CENPK: variants seen among roughly 807,000 people sequenced by gnomAD.
CENPK encodes SoxLZ/Sox6-binding protein Solt.
Under a neutral mutation model 40.9 loss-of-function variants are expected in CENPK, and 46 were observed. The ratio of observed to expected loss-of-function variants is 1.13; its 90% CI spans 0.89 to 1.44. The LOEUF is 1.44. Ranked by LOEUF, CENPK falls within the 40% of genes most tolerant of loss-of-function variation. The probability of loss-of-function intolerance (pLI) is 0.00; values close to 1 mark genes in which losing one functional copy is unlikely to be tolerated. For synonymous variants in CENPK, 107 were observed against 104.4 expected, an observed-to-expected ratio of 1.02 and a Z score of -0.15; for missense variants, 288 against 303.5, an observed-to-expected ratio of 0.95 and a Z score of 0.38.
At chr5:65,552,458 T>G (rs1422371872) in intron 4 of CENPK, 35 bp downstream of exon 4, 6 of 1,369,514 alleles carry the variant, frequency 4.4e-6, no homozygotes, top group Non-Finnish European at 4.0e-6. Context: ...TAATTCCACT[T>G]ACCTTGTATT....
At chr5:65,529,250 T>C in intron 6 of CENPK, 51 bp from the exon 7 acceptor site, 3 of 1,218,182 alleles carry the variant, frequency 2.5e-6, no homozygotes, top group Non-Finnish European at 3.6e-6. Context: ...CCCAGTTTTA[T>C]TTCTGAACGA....
At position 65,563,090 on chromosome 5, in the gene CENPK, G is replaced by T. The variant is rs190919509; in HGVS notation, c.-142+8C>A. The T allele has an allele frequency of 1.2e-4, 64 of 531,952 alleles. No homozygotes were observed. In the East Asian group the frequency reaches 1.6e-3, roughly 14 times the overall value. The allele number at this position is 531,952 out of a possible 1,614,324, so 33.0% of individuals were successfully genotyped here. ...CCGTTATATCAACCTCCCCGGCCCA[G>T]GTCTTACCATCACAGCGTCACAAAC... On this transcript the variant is annotated splice_region_variant and intron_variant, in intron 1 of 10. Coordinates refer to ENST00000396679, the MANE Select transcript of CENPK (RefSeq NM_022145.5).
intron 3 of CENPK, among the ~76,000 whole-genome samples, chr5:65,554,142 A>AT (rs34320009): frequency 0.095 from 13,709 of 143,784 alleles, 690 homozygotes; most frequent in African/African-American, 0.14. Context: ...ACCAGTAATT[A>AT]TTTTTTTTTT....
At chr5:65,514,534 G>A (rs1294778497), downstream of CENPK, among the ~76,000 whole-genome samples, 2 of 152,014 alleles carry the variant, frequency 1.3e-5, no homozygotes, top group Non-Finnish European at 2.9e-5. Context: ...CAAAGTGCTG[G>A]GATTACAGGC....
chr5:65,530,233 T>C (rs774764774), intron 6 of CENPK, among the ~76,000 whole-genome samples: 7 of 152,056 alleles, frequency 4.6e-5, no homozygotes, highest in African/African-American at 7.2e-5. Flanking sequence ...GAAGGAGGGA[T>C]AGATGTAAAG....
chr5:65,527,283 T>C lies in CENPK; in HGVS notation c.597+1169A>G, dbSNP rs146876178. ...AAGGCACAAAAAAGTGAGAGGTCAA[T>C]TGGTGACATAGCTGAATGGATTCAT... On this transcript the variant is annotated intron_variant, in intron 9 of 10. Transcript: ENST00000396679. Among the ~76,000 whole-genome samples the C allele has an allele frequency of 3.3e-5, 5 of 151,586 alleles. No homozygotes were observed. In the East Asian group the frequency reaches 7.8e-4, roughly 24 times the overall value.
Position 65,518,579 on chromosome 5 carries a change from C to A in CENPK, c.706G>T (p.Asp236Tyr), listed in dbSNP as rs1257572242. Residue 236 changes from aspartate (D) to tyrosine (Y), a missense_variant, in exon 11 of 11, where the codon GAT becomes TAT. By Grantham distance (160) the Asp-to-Tyr change is radical. Coordinates refer to ENST00000396679, the MANE Select transcript of CENPK (RefSeq NM_022145.5). ...TCAACATAAGGTGGCCAAAAGGAAT[C>A]ACTAATTTTGACATATGGATCATGT... is the stretch of plus-strand genomic sequence containing the variant. ...VPHDPYVKIS[D>Y]SFWPPYVELL... is the part of the protein sequence containing the mutation. The A allele has an allele frequency of 6.2e-7, 1 of 1,607,926 alleles. No individual in the cohort carries two copies. The highest frequency in any genetic ancestry group is 1.3e-5 in the African/African-American group (1 of 74,890).
At chr5:65,515,206 T>A (rs952925412), downstream of CENPK, among the ~76,000 whole-genome samples, 30 of 135,660 alleles carry the variant, frequency 2.2e-4, 1 homozygote, top group Middle Eastern at 7.9e-3. Context: ...TCAAAAAAAT[T>A]TTTTTTTTTT....
At position 65,528,481 on chromosome 5, in the gene CENPK, G is replaced by A. The variant is rs774114264; in HGVS notation, c.568C>T (p.Leu190=). 3 of 1,604,408 alleles carry A rather than the reference G, an allele frequency of 1.9e-6. No individual in the cohort carries two copies. In the South Asian group the frequency reaches 3.4e-5, roughly 18 times the overall value. Residue 190 remains leucine, a synonymous_variant, in exon 9 of 11, where the codon CTG becomes TTG. Coordinates refer to ENST00000396679, the MANE Select transcript of CENPK (RefSeq NM_022145.5). The stretch of plus-strand genomic sequence containing the variant: ...TTCTTTTTAACACTTCTATCAGGCA[G>A]AGGAAAATGGTCTTCTAGAAACTCG... ...LGEFLEDHFP[L]PDRSVKKKKK...
At chr5:65,529,464 T>C (rs943149067) in intron 6 of CENPK, 1 of 318,062 alleles carries the variant, frequency 3.1e-6, no homozygotes, top group Non-Finnish European at 5.7e-6. Context: ...GTGTTTTCAG[T>C]AATAAGAGAG....
intron 7 of CENPK, 31 bp downstream of exon 7, chr5:65,529,086 A>G: frequency 6.5e-7 from 1 of 1,541,494 alleles, no homozygotes; most frequent in Non-Finnish European, 8.9e-7. Flanking sequence ...ATATATATGA[A>G]TGATTAATAG....
chr5:65,530,734 C>T (rs1409463490), intron 6 of CENPK, among the ~76,000 whole-genome samples: 1 of 150,944 alleles, frequency 6.6e-6, no homozygotes, highest in Admixed American at 6.6e-5. Flanking sequence ...CATGGTGAAA[C>T]CCTGTCTCTA....
chr5:65,519,870 T>C (rs542276227), intron 10 of CENPK, among the ~76,000 whole-genome samples: 2 of 152,340 alleles, frequency 1.3e-5, no homozygotes, highest in African/African-American at 4.8e-5. Flanking sequence ...CTTATTTTAG[T>C]ACAAATCTTT....
the CENPK span, among the ~76,000 whole-genome samples, chr5:65,498,516 G>C: frequency 1.1e-4 from 17 of 151,842 alleles, no homozygotes; most frequent in Admixed American, 1.0e-3. Context: ...CATATATTTT[G>C]TTTCAATCAT....
rs539746387 is a variant in CENPK, at chr5:65,536,706, TTTA to T, written c.288+6093_288+6095del. On this transcript the variant is annotated intron_variant, in intron 6 of 10. Coordinates refer to ENST00000396679, the MANE Select transcript of CENPK (RefSeq NM_022145.5). The stretch of plus-strand genomic sequence containing the variant: ...GAGAAAATGTCCATGTATTATTTAT[TTTA>T]TTATTTCTTGCCTTCGATTTTTTAA... 1.1e-3 allele frequency among the ~76,000 whole-genome samples: 159 copies of T among 141,776 alleles called. 1 individual carries two copies. Among genetic ancestry groups the T allele is most frequent in the Non-Finnish European group, 2.1e-3 (129 of 60,200 alleles). The allele number at this position is 141,776 out of a possible 152,430, so 93.0% of individuals were successfully genotyped here.
chr5:65,522,478 G>C (rs567245550), intron 9 of CENPK, among the ~76,000 whole-genome samples: 3 of 152,004 alleles, frequency 2.0e-5, no homozygotes, highest in African/African-American at 7.3e-5. Context: ...ACCCAGGCTG[G>C]AGTGCAGTGG....
chr5:65,545,807 T>A (rs1160690231), intron 5 of CENPK, among the ~76,000 whole-genome samples: 4 of 152,076 alleles, frequency 2.6e-5, no homozygotes, highest in Non-Finnish European at 5.9e-5. Context: ...AGCCATGAAA[T>A]CCCTAAGCAG....
At chr5:65,542,960 T>C (rs964277305) in intron 5 of CENPK, 112 bp from the exon 6 acceptor site, 9 of 851,408 alleles carry the variant, frequency 1.1e-5, no homozygotes, top group Admixed American at 5.5e-5. Context: ...ATTTATATAA[T>C]ATACAACTTT....
chr5:65,522,577 T>C (rs763143469), intron 9 of CENPK, among the ~76,000 whole-genome samples: 1 of 152,048 alleles, frequency 6.6e-6, no homozygotes, highest in South Asian at 2.1e-4. Context: ...TATAAGCACA[T>C]GCCACAGTAA....
Sources: allele counts gnomAD v4.1 joint callset (sites outside exome capture counted in the v4.1 genomes callset), GRCh38; gene constraint gnomAD v4.1.1; transcripts MANE v1.5; gene names NCBI Gene and HGNC (gene_info 2026-07-23, HGNC 2026-07-21).